PARVB: variants seen among roughly 807,000 people sequenced by gnomAD.
The protein encoded by PARVB is beta-parvin.
A neutral mutation model predicts 47.0 loss-of-function variants in PARVB; 46 were observed. The ratio of observed to expected loss-of-function variants is 0.98; its 90% confidence interval spans 0.77 to 1.25. PARVB has a LOEUF of 1.25. Ranked by LOEUF, PARVB falls within the 50% of genes most tolerant of loss-of-function variation. The probability of loss-of-function intolerance (pLI) is 0.00; values close to 1 mark genes in which losing one functional copy is unlikely to be tolerated. For missense variants in PARVB, 473 were observed against 471.6 expected, an observed-to-expected ratio of 1.00 and a Z score of -0.03; for synonymous variants, 196 against 196.3, an observed-to-expected ratio of 1.00 and a Z score of 0.01.
intron 4 of PARVB, 35 bp downstream of exon 4, chr22:44,119,175 C>T: frequency 1.4e-6 from 2 of 1,427,042 alleles, no homozygotes; most frequent in Non-Finnish European, 2.0e-6. Context: ...TGTCCCACCC[C>T]CATCTCCCTG....
chr22:44,158,227 G>T, intron 11 of PARVB, 144 bp downstream of exon 11: 1 of 604,426 alleles, frequency 1.7e-6, no homozygotes, highest in East Asian at 2.8e-5. Flanking sequence ...GCAATTAGAT[G>T]TAACTCTCAG....
chr22:44,146,435 C>A (rs1263629944), intron 8 of PARVB: 1 of 152,396 alleles, frequency 6.6e-6, no homozygotes, highest in Non-Finnish European at 1.5e-5. Flanking sequence ...CACATGCTCA[C>A]ACGCGCACAC....
At position 44,133,003 on chromosome 22, in the gene PARVB, C is replaced by T. The variant is rs761863085; in HGVS notation, c.627C>T (p.Val209=). ...LPEHVTVQVV[V]VRKREGLLHS... is the part of the protein sequence containing the mutation. ...AGCATGTAACGGTGCAGGTGGTGGT[C>T]GTGCGGGTGAGTATAACCGAGTGGT... Residue 209 remains valine, a synonymous_variant, in exon 6 of 13, where the codon GTC becomes GTT. Transcript: ENST00000338758. The T allele has an allele frequency of 7.3e-5, 117 of 1,611,490 alleles. No individual in the cohort carries two copies. Among genetic ancestry groups the T allele is most frequent in the Middle Eastern group, 1.6e-4 (1 of 6,070 alleles).
chr22:44,009,599 AATAT>A (rs1032544875), intron 2 of PARVB: 1 of 150,990 alleles, frequency 6.6e-6, no homozygotes, highest in African/African-American at 2.4e-5. Context: ...ATATGTATGT[AATAT>A]ATAATATATG....
chr22:44,013,763 G>T (rs2050548566), intron 2 of PARVB, among the ~76,000 whole-genome samples: 1 of 152,112 alleles, frequency 6.6e-6, no homozygotes, highest in African/African-American at 2.4e-5. Flanking sequence ...CTCCTGAGTA[G>T]CTGGGATTAC....
At chr22:44,005,924 TG>T (rs2050459773) in intron 2 of PARVB, among the ~76,000 whole-genome samples, 1 of 152,212 alleles carries the variant, frequency 6.6e-6, no homozygotes, top group Non-Finnish European at 1.5e-5. Context: ...TTCATTCTAT[TG>T]TTTCTTTGTT....
intron 1 of PARVB, among the ~76,000 whole-genome samples, chr22:44,075,243 C>T (rs77206040): frequency 0.021 from 3,241 of 152,328 alleles, 67 homozygotes; most frequent in Non-Finnish European, 0.033. Flanking sequence ...CACATGCACG[C>T]ATGCATACAC....
Position 44,132,969 on chromosome 22 carries a change from G to A in PARVB, c.593G>A (p.Arg198His), listed in dbSNP as rs200997339. The change falls in exon 6 of 13, where the codon CGC (arginine) becomes CAC (histidine). Residue 198 changes from arginine to histidine, a missense_variant. Physicochemically the swap from Arg to His is conservative, Grantham distance 29. Transcript: ENST00000338758. ...SLAMHFRAPI[R>H]LPEHVTVQVV... ...GCCATGCACTTCAGGGCCCCCATCC[G>A]CCTTCCTGAGCATGTAACGGTGCAG... The A allele has an allele frequency of 9.8e-5, 158 of 1,613,954 alleles. 1 individual carries two copies. The highest frequency in any genetic ancestry group is 1.7e-4 in the Admixed American group (10 of 60,008).
chr22:44,003,795 A>G (rs563482716), intron 2 of PARVB, among the ~76,000 whole-genome samples: 1 of 152,316 alleles, frequency 6.6e-6, no homozygotes, highest in African/African-American at 2.4e-5. Flanking sequence ...GGTGTTGTAC[A>G]GGTGGCTCTT....
rs2052570042 is a variant in PARVB, at chr22:44,106,424, T to C, written c.273+6301T>C. ...TGGATTACATCTAAGTAGGCCTTAG[T>C]AGAAGCCACCTCCCAGTGGTTCCTC... On this transcript the variant is annotated intron_variant, in intron 3 of 12. Coordinates refer to ENST00000338758, the MANE Select transcript of PARVB (RefSeq NM_013327.5). 2.0e-5 allele frequency: 3 copies of C among 152,272 alleles called. No homozygotes were observed. The South Asian group carries it at 6.2e-4, about 32-fold the overall frequency. 9.4% of individuals were successfully genotyped at this position (152,272 alleles called of 1,614,324 possible). A position where few individuals can be genotyped will look rare whatever the true frequency, so the allele number is the denominator to read the frequency against.
At chr22:44,010,537 C>T (rs935085809) in intron 2 of PARVB, 2 of 152,232 alleles carry the variant, frequency 1.3e-5, no homozygotes, top group East Asian at 3.9e-4. Context: ...GTTACTGACG[C>T]ACTTTTGGAA....
intron 1 of PARVB, among the ~76,000 whole-genome samples, chr22:44,063,950 C>T (rs886980901): frequency 2.6e-5 from 4 of 152,182 alleles, no homozygotes; most frequent in East Asian, 1.9e-4. Flanking sequence ...CCAGGTGTTC[C>T]GTGGATGGGG....
intron 3 of PARVB, chr22:44,107,050 C>T: frequency 6.6e-6 from 1 of 152,232 alleles, no homozygotes; most frequent in East Asian, 1.9e-4. Context: ...ACTTGATCAC[C>T]CGTTAGCAGT....
In PARVB at chr22:44,132,887, C is replaced by G; in HGVS notation, c.518-7C>G. Reference sequence around the variant, plus strand: ...TAAAGCGTCTCCCTTCCTCCTTCCTCCTGCAGCAATTCACGGGAAGAACCT... The same window carrying G: ...TAAAGCGTCTCCCTTCCTCCTTCCTGCTGCAGCAATTCACGGGAAGAACCT... On this transcript the variant is annotated splice_polypyrimidine_tract_variant and splice_region_variant and intron_variant, in intron 5 of 12. Transcript: ENST00000338758. 1 of 1,604,636 alleles carries G rather than the reference C, an allele frequency of 6.2e-7. No homozygotes were observed. The highest frequency in any genetic ancestry group is 8.5e-7 in the Non-Finnish European group (1 of 1,171,392).
chr22:44,097,460 G>T (rs374198228), intron 2 of PARVB, among the ~76,000 whole-genome samples: 1 of 152,346 alleles, frequency 6.6e-6, no homozygotes, highest in Admixed American at 6.5e-5. Flanking sequence ...CAGGGTCCCC[G>T]GTCAAGGCTA....
At chr22:44,052,269 A>G (rs2051223893) in intron 1 of PARVB, among the ~76,000 whole-genome samples, 1 of 152,162 alleles carries the variant, frequency 6.6e-6, no homozygotes, top group Non-Finnish European at 1.5e-5. Context: ...GCAACATGAG[A>G]GTCCGTCACC....
At chr22:44,148,161 G>T in intron 9 of PARVB, 1 of 549,672 alleles carries the variant, frequency 1.8e-6, no homozygotes, top group South Asian at 2.0e-5. Context: ...TCTGTTAAGT[G>T]AATTACCCAG....
intron 2 of PARVB, among the ~76,000 whole-genome samples, chr22:44,007,285 G>C (rs2050475757): frequency 6.6e-6 from 1 of 152,102 alleles, no homozygotes; most frequent in African/African-American, 2.4e-5. Context: ...GGTGGGCTGG[G>C]GGGAGTGGAG....
chr22:44,027,321 A>C (rs114511876), intron 1 of PARVB, among the ~76,000 whole-genome samples: 1 of 152,202 alleles, frequency 6.6e-6, no homozygotes, highest in African/African-American at 2.4e-5. Context: ...GCCAGGATGG[A>C]GGTCGGGGAC....
Sources: allele counts gnomAD v4.1 joint callset (sites outside exome capture counted in the v4.1 genomes callset), GRCh38; gene constraint gnomAD v4.1.1; transcripts MANE v1.5; gene names NCBI Gene and HGNC (gene_info 2026-07-23, HGNC 2026-07-21).